Variants in SUMF1 observed in about 807,000 individuals in gnomAD.
SUMF1 encodes the protein sulfatase modifying factor 1, also known as formylglycine-generating enzyme.
In SUMF1, 48 loss-of-function variants were observed where a neutral mutation model predicts 47.6. That is an observed-to-expected ratio of 1.01 (90% CI 0.80 to 1.28). SUMF1 has a LOEUF of 1.28. SUMF1 is among the 50% of genes most tolerant of loss of function. SUMF1 has a pLI of 0.00. For missense variants in SUMF1, 571 were observed against 485.4 expected, an observed-to-expected ratio of 1.18 and a Z score of -1.66; for synonymous variants, 230 against 192.1, an observed-to-expected ratio of 1.20 and a Z score of -1.63.
chr3:4,409,713 T>A (rs1478464262), intron 7 of SUMF1, among the ~76,000 whole-genome samples: 1 of 152,198 alleles, frequency 6.6e-6, no homozygotes, highest in Non-Finnish European at 1.5e-5. Flanking sequence ...CCAGCCCCGC[T>A]GGAAAGTAAA....
At chr3:4,136,722 T>C (rs1201104893) in intron 8 of SUMF1, among the ~76,000 whole-genome samples, 1 of 148,968 alleles carries the variant, frequency 6.7e-6, no homozygotes. Flanking sequence ...AATCTACTCA[T>C]CTGACAAAGG....
chr3:4,259,488 T>C (rs1461295076), intron 8 of SUMF1, among the ~76,000 whole-genome samples: 1 of 152,214 alleles, frequency 6.6e-6, no homozygotes, highest in Non-Finnish European at 1.5e-5. Context: ...TACATATTTC[T>C]GTCTTTTTGA....
chr3:4,303,959 C>T, intron 8 of SUMF1: 2 of 898,212 alleles, frequency 2.2e-6, no homozygotes, highest in Middle Eastern at 4.6e-4. Flanking sequence ...TGGTCTCCCT[C>T]ACGCTGTGGG....
intron 8 of SUMF1, among the ~76,000 whole-genome samples, chr3:4,155,751 T>A (rs754450528): frequency 4.6e-5 from 7 of 151,404 alleles, no homozygotes; most frequent in Non-Finnish European, 7.4e-5. Flanking sequence ...ATGAACCCTG[T>A]CAGTCCGAAG....
intron 8 of SUMF1, among the ~76,000 whole-genome samples, chr3:4,252,482 C>T (rs1478117080): frequency 6.6e-6 from 1 of 152,062 alleles, no homozygotes; most frequent in Non-Finnish European, 1.5e-5. Flanking sequence ...TTTGAGACTG[C>T]TGAACTTTCA....
At chr3:4,220,250 G>A (rs138737588) in intron 8 of SUMF1, among the ~76,000 whole-genome samples, 8 of 152,196 alleles carry the variant, frequency 5.3e-5, no homozygotes, top group Admixed American at 4.6e-4. Flanking sequence ...CACTTCATAC[G>A]AGGGGATTTA....
chr3:4,039,243 C>CT (rs1373869604), intron 9 of SUMF1, among the ~76,000 whole-genome samples: 9 of 27,388 alleles, frequency 3.3e-4, no homozygotes, highest in Admixed American at 1.0e-3. Context: ...TTATTATACT[C>CT]TAAGTTTTAG....
intron 9 of SUMF1, among the ~76,000 whole-genome samples, chr3:4,060,322 C>T (rs1312516941): frequency 6.6e-6 from 1 of 152,200 alleles, no homozygotes; most frequent in Non-Finnish European, 1.5e-5. Context: ...GTTAAAAACA[C>T]AGACTGCTGA....
intron 8 of SUMF1, among the ~76,000 whole-genome samples, chr3:4,246,175 C>G (rs1696665396): frequency 6.6e-6 from 1 of 152,134 alleles, no homozygotes; most frequent in Non-Finnish European, 1.5e-5. Context: ...CATGGCTTCC[C>G]TTGGCTAGGA....
chr3:4,085,418 G>C (rs1574869108), intron 8 of SUMF1, among the ~76,000 whole-genome samples: 2 of 152,174 alleles, frequency 1.3e-5, no homozygotes, highest in East Asian at 3.9e-4. Flanking sequence ...GCTTCCACCA[G>C]TGATGATCTT....
chr3:4,251,774 A>G (rs1696807728), intron 8 of SUMF1, among the ~76,000 whole-genome samples: 1 of 152,224 alleles, frequency 6.6e-6, no homozygotes, highest in Non-Finnish European at 1.5e-5. Context: ...AACCACCTTC[A>G]TCAGTCAGGG....
chr3:4,317,422 A>G, intron 8 of SUMF1: 1 of 573,180 alleles, frequency 1.7e-6, no homozygotes, highest in East Asian at 3.1e-5. Context: ...GTGGCTTACA[A>G]CTGTAATCCC....
chr3:4,281,536 A>G (rs1444193766), intron 8 of SUMF1, among the ~76,000 whole-genome samples: 1 of 152,186 alleles, frequency 6.6e-6, no homozygotes. Context: ...CACACTTAAT[A>G]AGTAGCAGAA....
At chr3:4,261,731 T>G (rs1211627395) in intron 8 of SUMF1, among the ~76,000 whole-genome samples, 1 of 152,172 alleles carries the variant, frequency 6.6e-6, no homozygotes, top group Non-Finnish European at 1.5e-5. Context: ...CTATCCATGT[T>G]CACTTCTGCT....
rs543237924 is a variant in SUMF1, at chr3:4,448,746, G to A, written c.519+520C>T. ...CTGCATTCCCTGGATCCTCCATATG[G>A]GAGGGTACACCCCTGCATGTAAAGA... On this transcript the variant is annotated intron_variant, in intron 3 of 8. Coordinates refer to ENST00000272902, the MANE Select transcript of SUMF1 (RefSeq NM_182760.4). Among the ~76,000 whole-genome samples, 17 of 152,130 alleles carry A rather than the reference G, an allele frequency of 1.1e-4. No individual in the cohort carries two copies. The South Asian group carries it at 2.7e-3, about 24-fold the overall frequency.
chr3:4,454,863 G>T (rs1390810282), intron 1 of SUMF1, among the ~76,000 whole-genome samples: 1 of 152,178 alleles, frequency 6.6e-6, no homozygotes, highest in South Asian at 2.1e-4. Flanking sequence ...GAAATGTCCA[G>T]AATAGGCAAA....
At chr3:4,187,450 A>G (rs1459092502) in intron 8 of SUMF1, among the ~76,000 whole-genome samples, 1 of 151,942 alleles carries the variant, frequency 6.6e-6, no homozygotes, top group Non-Finnish European at 1.5e-5. Flanking sequence ...TTTTTCCTTC[A>G]GAGGACTGTG....
chr3:4,267,448 T>C (rs1296488929), intron 8 of SUMF1, among the ~76,000 whole-genome samples: 2 of 152,156 alleles, frequency 1.3e-5, no homozygotes, highest in Non-Finnish European at 2.9e-5. Flanking sequence ...CCTGGTTTAG[T>C]CTTGGGAGAG....
chr3:4,425,914 G>A (rs992883160), intron 3 of SUMF1, among the ~76,000 whole-genome samples: 1 of 152,124 alleles, frequency 6.6e-6, no homozygotes, highest in Non-Finnish European at 1.5e-5. Flanking sequence ...GCATGTGCAG[G>A]GGAACTCCCT....
Sources: gnomAD v4.1 joint callset for allele counts (sites outside exome capture counted in the v4.1 genomes callset) on GRCh38, gnomAD v4.1.1 for gene constraint, MANE v1.5 for transcripts, NCBI Gene and HGNC (gene_info 2026-07-23, HGNC 2026-07-21) for gene names.